The following SFXN4 variants were observed in gnomAD, a reference collection of about 807,000 sequenced individuals.
SFXN4 encodes sideroflexin-4.
SFXN4 carries 48 observed loss-of-function variants against 54.6 expected under a neutral mutation model. The observed-to-expected ratio is 0.88, with a 90% CI of 0.70 to 1.12. The LOEUF is 1.12. Ranked by LOEUF, SFXN4 falls within the 50% of genes most tolerant of loss-of-function variation. The pLI is 0.00. For synonymous variants in SFXN4, 130 were observed against 145.5 expected, an observed-to-expected ratio of 0.89 and a Z score of 0.77; for missense variants, 383 against 409.2, an observed-to-expected ratio of 0.94 and a Z score of 0.55.
At chr10:119,154,597 C>T (rs1354266075) in intron 11 of SFXN4, among the ~76,000 whole-genome samples, 1 of 152,044 alleles carries the variant, frequency 6.6e-6, no homozygotes, top group African/African-American at 2.4e-5. Context: ...TTTGGGAGAC[C>T]GAGGTGGGTG....
Position 119,145,311 on chromosome 10 carries a change from ATTTT to A in SFXN4, c.936+921_936+924del, listed in dbSNP as rs1223685344. Among the ~76,000 whole-genome samples, 104 of 68,090 alleles carry A rather than the reference ATTTT, an allele frequency of 1.5e-3. 2 individuals are homozygous for A. The highest frequency in any genetic ancestry group is 4.5e-3 in the African/African-American group (101 of 22,426). 44.7% of individuals were successfully genotyped at this position (68,090 alleles called of 152,430 possible). A position where few individuals can be genotyped will look rare whatever the true frequency, so the allele number is the denominator to read the frequency against. ...AACAGTAAATATATTTTTTCTTATG[ATTTT>A]TTTTTTTTTTTTTTTTGAGACAGAG... is the stretch of plus-strand genomic sequence containing the variant. On this transcript the variant is annotated intron_variant, in intron 13 of 13. Transcript: ENST00000355697.
At chr10:119,162,528 C>T in intron 2 of SFXN4, 114 bp from the exon 3 acceptor site, 2 of 805,450 alleles carry the variant, frequency 2.5e-6, no homozygotes, top group South Asian at 1.6e-5. Context: ...GACTGCATGC[C>T]TGATTTCAAG....
At chr10:119,146,428 C>CGTGTGTGTGTGT (rs56031432) in intron 12 of SFXN4, 75 bp from the exon 13 acceptor site, 5 of 559,544 alleles carry the variant, frequency 8.9e-6, no homozygotes, top group Admixed American at 5.4e-5. Context: ...TGAATCAGGG[C>CGTGTGTGTGTGT]GTGTGTGTGT....
chr10:119,152,914 T>C (rs994652773), intron 11 of SFXN4, among the ~76,000 whole-genome samples: 7 of 152,252 alleles, frequency 4.6e-5, no homozygotes, highest in Admixed American at 2.6e-4. Context: ...CTTCACTTCA[T>C]ATCAGGGCTG....
chr10:119,148,163 C>T, intron 11 of SFXN4, among the ~76,000 whole-genome samples: 1 of 152,090 alleles, frequency 6.6e-6, no homozygotes, highest in East Asian at 1.9e-4. Context: ...CGGAGTGAAA[C>T]TCTGTCTCAA....
At chr10:119,163,641 G>A (rs565547489) in intron 2 of SFXN4, among the ~76,000 whole-genome samples, 3 of 152,076 alleles carry the variant, frequency 2.0e-5, no homozygotes, top group Non-Finnish European at 2.9e-5. Context: ...GACCTCAGGT[G>A]ATCCACCCAC....
rs1210363284 is a variant in SFXN4 at position 119,141,220 on chromosome 10, TA to T, written c.*21del. On this transcript the variant is annotated 3_prime_UTR_variant, in exon 14 of 14. Transcript: ENST00000355697. ...GGAAGGTTTTCAAGCAGGAACCACATAAATTCACCTAAAACTCACGCCTACA... is the reference window on the plus strand; with the variant it reads ...GGAAGGTTTTCAAGCAGGAACCACATAATTCACCTAAAACTCACGCCTACA... 1 of 1,573,210 alleles carries T rather than the reference TA, an allele frequency of 6.4e-7. No homozygotes were observed. Among genetic ancestry groups the T allele is most frequent in the African/African-American group, 1.4e-5 (1 of 73,540 alleles).
At chr10:119,159,294 A>C (rs1027583257) in intron 6 of SFXN4, among the ~76,000 whole-genome samples, 9 of 151,616 alleles carry the variant, frequency 5.9e-5, no homozygotes, top group East Asian at 1.9e-4. Flanking sequence ...AACAAAAAAA[A>C]CCCAAAAAAC....
intron 11 of SFXN4, among the ~76,000 whole-genome samples, chr10:119,153,264 A>G (rs1847143970): frequency 6.6e-6 from 1 of 152,050 alleles, no homozygotes; most frequent in African/African-American, 2.4e-5. Context: ...CACAAGCATG[A>G]GCCAGGCATG....
At chr10:119,146,421 A>G in intron 12 of SFXN4, 68 bp from the exon 13 acceptor site, 1 of 804,716 alleles carries the variant, frequency 1.2e-6, no homozygotes, top group Non-Finnish European at 2.0e-6. Flanking sequence ...GAACAGCTGA[A>G]TCAGGGCGTG....
intron 5 of SFXN4, 140 bp downstream of exon 5, chr10:119,160,775 T>G: frequency 1.2e-6 from 1 of 827,940 alleles, no homozygotes; most frequent in Non-Finnish European, 2.0e-6. Context: ...ATTTTTTACA[T>G]TTTTAGTAGA....
intron 11 of SFXN4, among the ~76,000 whole-genome samples, chr10:119,154,819 C>G (rs1161146200): frequency 6.6e-6 from 1 of 152,144 alleles, no homozygotes; most frequent in Admixed American, 6.6e-5. Flanking sequence ...TGCGACAGAG[C>G]AAGACCCTGT....
At chr10:119,161,267 C>T (rs571561914) in intron 3 of SFXN4, among the ~76,000 whole-genome samples, 186 bp from the exon 4 acceptor site, 15 of 151,950 alleles carry the variant, frequency 9.9e-5, no homozygotes, top group African/African-American at 1.5e-4. Flanking sequence ...TACAGGCTCA[C>T]GCCACCATTC....
intron 11 of SFXN4, among the ~76,000 whole-genome samples, chr10:119,152,397 A>G (rs925266568): frequency 6.6e-6 from 1 of 151,870 alleles, no homozygotes; most frequent in African/African-American, 2.4e-5. Context: ...CTCCTGCCTC[A>G]GCCTCCCGAG....
intron 9 of SFXN4, 119 bp from the exon 10 acceptor site, chr10:119,156,875 C>T: frequency 1.5e-6 from 1 of 683,466 alleles, no homozygotes; most frequent in South Asian, 1.7e-5. Context: ...ACTGCCAGTG[C>T]TCTTCAGGTA....
In SFXN4 at chr10:119,156,955, A is replaced by G. The variant is rs2297696; in HGVS notation, c.538-199T>C. ...AAGGAGTCAACAGGGGCTTAGAGAG[A>G]GGTATGGAAGCTGTTGAGAGTCACA... On this transcript the variant is annotated intron_variant, in intron 9 of 13. Transcript: ENST00000355697. Among the ~76,000 whole-genome samples, 45,401 of 151,840 alleles carry G rather than the reference A, an allele frequency of 0.3. 7,562 individuals are homozygous for G. Among genetic ancestry groups the G allele is most frequent in the South Asian group, 0.39 (1,879 of 4,816 alleles).
At chr10:119,164,338 T>A (rs1847679990) in intron 1 of SFXN4, 142 bp from the exon 2 acceptor site, 2 of 574,042 alleles carry the variant, frequency 3.5e-6, no homozygotes, top group Admixed American at 7.4e-5. Context: ...TCTCCTGGGA[T>A]CCTCCCAACC....
chr10:119,157,739 G>A lies in SFXN4; in HGVS notation c.472-6C>T. 2.5e-6 allele frequency: 4 copies of A among 1,608,992 alleles called. No homozygotes were observed. Among genetic ancestry groups the A allele is most frequent in the Non-Finnish European group, 3.4e-6 (4 of 1,177,814 alleles). On this transcript the variant is annotated splice_polypyrimidine_tract_variant and splice_region_variant and intron_variant, in intron 8 of 13. Coordinates refer to ENST00000355697, the MANE Select transcript of SFXN4 (RefSeq NM_213649.2). ...CTTTCTAGTGGCTTACAAGTCTAAG[G>A]AGAAACAAAAGTACTTAATTAGCAA... is the stretch of plus-strand genomic sequence containing the variant.
chr10:119,157,690 A>G lies in SFXN4; in HGVS notation c.515T>C (p.Val172Ala). 1.9e-6 allele frequency: 3 copies of G among 1,606,078 alleles called. No individual in the cohort carries two copies. Among genetic ancestry groups the G allele is most frequent in the Non-Finnish European group, 2.5e-6 (3 of 1,177,274 alleles). Residue 172 changes from valine (V) to alanine (A), a missense_variant, in exon 9 of 14, where the codon GTT becomes GCT. Physicochemically the swap from Val to Ala is moderately conservative, Grantham distance 64 (BLOSUM62 0). Coordinates refer to ENST00000355697, the MANE Select transcript of SFXN4 (RefSeq NM_213649.2). ...LERSLLMAGA[V>A]ASSTFLGVIP... ...TACTCCTAAGAAAGTTGAAGAAGCA[A>G]CGGCTCCCGCCATTAGTAATGATCT...
Sources: gnomAD v4.1 joint callset for allele counts (sites outside exome capture counted in the v4.1 genomes callset) on GRCh38, gnomAD v4.1.1 for gene constraint, MANE v1.5 for transcripts, NCBI Gene and HGNC (gene_info 2026-07-23, HGNC 2026-07-21) for gene names.